The following KCNQ1 variants were observed in gnomAD, a reference collection of about 807,000 sequenced individuals.
KCNQ1 encodes potassium voltage-gated channel subfamily Q member 1.
In KCNQ1, 49 loss-of-function variants were observed where a neutral mutation model predicts 72.4. The observed-to-expected ratio is 0.68, with a 90% CI of 0.54 to 0.86. The LOEUF (loss-of-function observed/expected upper bound fraction) is 0.86, where lower values mean the gene tolerates loss of function less well. KCNQ1 is among the 40% of genes least tolerant of loss of function. KCNQ1 has a pLI of 0.00. For synonymous variants in KCNQ1, 450 were observed against 412.6 expected (o/e 1.09, Z -1.10); for missense variants, 790 against 945.1 (o/e 0.84, Z 2.15).
chr11:2,507,952 G>C lies in KCNQ1; in HGVS notation c.387-19976G>C, dbSNP rs1847130619. ...GAGGTTTTGGAACTGGCCTTGACTT[G>C]GTGATGTGGGGTTATGAGTTTTATT... On this transcript the variant is annotated intron_variant, in intron 1 of 15. Coordinates refer to ENST00000155840, the MANE Select transcript of KCNQ1 (RefSeq NM_000218.3). The surrounding 1 kb of genome is among the most constrained non-coding windows in gnomAD (Gnocchi z 5.4). Among the ~76,000 whole-genome samples, 1 of 152,126 alleles carries C rather than the reference G, an allele frequency of 6.6e-6. No individual in the cohort carries two copies. Among genetic ancestry groups the C allele is most frequent in the Non-Finnish European group, 1.5e-5 (1 of 68,004 alleles).
intron 2 of KCNQ1, among the ~76,000 whole-genome samples, chr11:2,540,954 T>A (rs1847812905): frequency 6.6e-6 from 1 of 152,172 alleles, no homozygotes. Context: ...CCAGATGCCT[T>A]ATGGAGAAGA....
rs987348417 is a variant in KCNQ1 at position 2,627,903 on chromosome 11, C to T, written c.1394-34058C>T. On this transcript the variant is annotated intron_variant, in intron 10 of 15. Transcript: ENST00000155840. This position sits in a 1 kb window ranked among gnomAD's most constrained non-coding sequence, Gnocchi z 4.9. ...GTAGCTGGGACCACAGTCATGCACC[C>T]CCATGCCCAGCTAATTTTTAAAATT... 2.8e-5 allele frequency: 11 copies of T among 398,322 alleles called. No homozygotes were observed. The highest frequency in any genetic ancestry group is 2.3e-4 in the African/African-American group (11 of 48,518). The allele number at this position is 398,322 out of a possible 1,614,324, so 24.7% of individuals were successfully genotyped here.
In KCNQ1 at chr11:2,651,502, G is replaced by T. The variant is rs12422173; in HGVS notation, c.1394-10459G>T. The T allele has an allele frequency of 0.26, 102,349 of 398,548 alleles. 15,656 individuals carry two copies. Among genetic ancestry groups the T allele is most frequent in the Non-Finnish European group, 0.33 (74,886 of 226,086 alleles). The allele number at this position is 398,548 out of a possible 1,614,324, so 24.7% of individuals were successfully genotyped here. A position where few individuals can be genotyped will look rare whatever the true frequency, so the allele number is the denominator to read the frequency against. ...GGGCTTGCATTAAGAAGCTGTCAGT[G>T]TGAAGAACGTGAATGCTAAGGGCAT... On this transcript the variant is annotated intron_variant, in intron 10 of 15. Transcript: ENST00000155840. This position sits in a 1 kb window ranked among gnomAD's most constrained non-coding sequence, Gnocchi z 6.1.
chr11:2,613,946 C>G lies in KCNQ1; in HGVS notation c.1393+25092C>G. 2.5e-6 allele frequency: 1 copy of G among 398,558 alleles called. No individual in the cohort carries two copies. Among genetic ancestry groups the G allele is most frequent in the Non-Finnish European group, 4.4e-6 (1 of 226,046 alleles). 24.7% of individuals were successfully genotyped at this position (398,558 alleles called of 1,614,324 possible). On this transcript the variant is annotated intron_variant, in intron 10 of 15. Transcript: ENST00000155840. The surrounding 1 kb of genome is among the most constrained non-coding windows in gnomAD (Gnocchi z 4.8). The stretch of plus-strand genomic sequence containing the variant: ...GCCCTTTTGAACTTTGCTTTTCTCA[C>G]CTAACAACATCTCCTAGAAATCACT...
Position 2,593,656 on chromosome 11 carries a change from C to T in KCNQ1, c.1393+4802C>T, listed in dbSNP as rs1194887889. 2.0e-5 allele frequency among the ~76,000 whole-genome samples: 3 copies of T among 152,288 alleles called. No individual in the cohort carries two copies. The highest frequency in any genetic ancestry group is 3.9e-4 in the East Asian group (2 of 5,174). On this transcript the variant is annotated intron_variant, in intron 10 of 15. Coordinates refer to ENST00000155840, the MANE Select transcript of KCNQ1 (RefSeq NM_000218.3). This position sits in a 1 kb window ranked among gnomAD's most constrained non-coding sequence, Gnocchi z 6.9. ...GGTCTGGGGACTCATCGTTCACACT[C>T]GTGTGTGTGCTTTCTGGAGGCATGC...
At chr11:2,739,439 C>A (rs1194414617) in intron 11 of KCNQ1, among the ~76,000 whole-genome samples, 1 of 152,244 alleles carries the variant, frequency 6.6e-6, no homozygotes, top group Admixed American at 6.5e-5. Context: ...AGGTCCGCTA[C>A]ATATTCCCCC....
chr11:2,839,106 GC>G (rs1483179720), intron 15 of KCNQ1, among the ~76,000 whole-genome samples: 2 of 152,196 alleles, frequency 1.3e-5, no homozygotes, highest in African/African-American at 4.8e-5. Context: ...AGCTCCTGAG[GC>G]CGGGCTAGGG....
At chr11:2,517,827 C>T (rs977294895) in intron 1 of KCNQ1, among the ~76,000 whole-genome samples, 18 of 152,208 alleles carry the variant, frequency 1.2e-4, no homozygotes, top group African/African-American at 3.4e-4. Flanking sequence ...AGGCTCCCAG[C>T]GATCTGTCAA....
chr11:2,792,463 G>C (rs1847046299), intron 15 of KCNQ1, among the ~76,000 whole-genome samples: 2 of 152,204 alleles, frequency 1.3e-5, no homozygotes, highest in South Asian at 4.1e-4. Flanking sequence ...TAGGAGGGAC[G>C]GGGCCGTGAC....
intron 10 of KCNQ1, among the ~76,000 whole-genome samples, chr11:2,597,991 A>C (rs1219691681): frequency 6.6e-6 from 1 of 152,042 alleles, no homozygotes; most frequent in Admixed American, 6.6e-5. Context: ...CACATGAGAA[A>C]TTTATGTTTT....
At chr11:2,812,251 G>C (rs1315041869) in intron 15 of KCNQ1, among the ~76,000 whole-genome samples, 1 of 152,192 alleles carries the variant, frequency 6.6e-6, no homozygotes, top group Non-Finnish European at 1.5e-5. Flanking sequence ...TGAAAAGCCT[G>C]AGTCCCTCCT....
chr11:2,682,830 A>T lies in KCNQ1; in HGVS notation c.1514+20749A>T, dbSNP rs887411086. ...TGCAGTGATCCTCCTGGGGCCTTGT[A>T]TAGAAGAGACCATCTCAGTTTTGTA... is the stretch of plus-strand genomic sequence containing the variant. On this transcript the variant is annotated intron_variant, in intron 11 of 15. Transcript: ENST00000155840. The surrounding 1 kb of genome is among the most constrained non-coding windows in gnomAD (Gnocchi z 5.8). The T allele has an allele frequency of 2.5e-5, 10 of 398,472 alleles. No homozygotes were observed. Among genetic ancestry groups the T allele is most frequent in the African/African-American group, 2.1e-4 (10 of 48,616 alleles). The allele number at this position is 398,472 out of a possible 1,614,324, so 24.7% of individuals were successfully genotyped here.
chr11:2,685,106 G>T (rs1476797202), intron 11 of KCNQ1: 11 of 398,518 alleles, frequency 2.8e-5, no homozygotes, highest in Non-Finnish European at 4.0e-5. Context: ...GGCCCTTTTG[G>T]CACGGGGGGT....
rs1424983227 is a variant in KCNQ1 at position 2,617,323 on chromosome 11, T to C, written c.1393+28469T>C. The C allele has an allele frequency of 2.5e-6, 1 of 398,306 alleles. No individual in the cohort carries two copies. The highest frequency in any genetic ancestry group is 4.4e-6 in the Non-Finnish European group (1 of 225,930). The allele number at this position is 398,306 out of a possible 1,614,324, so 24.7% of individuals were successfully genotyped here. ...AAGATTCTACATATAGGTGAGATTA[T>C]TTAAAACTTTTCATTTGTATATGGC... On this transcript the variant is annotated intron_variant, in intron 10 of 15. Coordinates refer to ENST00000155840, the MANE Select transcript of KCNQ1 (RefSeq NM_000218.3). This position sits in a 1 kb window ranked among gnomAD's most constrained non-coding sequence, Gnocchi z 4.6.
rs1192466257 is a variant in KCNQ1, at chr11:2,734,679, T to C, written c.1515-34165T>C. 6.6e-6 allele frequency among the ~76,000 whole-genome samples: 1 copy of C among 151,378 alleles called. No individual in the cohort carries two copies. Among genetic ancestry groups the C allele is most frequent in the Admixed American group, 6.6e-5 (1 of 15,206 alleles). Reference sequence around the variant, plus strand: ...TAGCTTCCTGAAGAGATGAGTCAGGTCCCAGGCACATTCAGTGCCAGCCAG... The same window carrying C: ...TAGCTTCCTGAAGAGATGAGTCAGGCCCCAGGCACATTCAGTGCCAGCCAG... On this transcript the variant is annotated intron_variant, in intron 11 of 15. Transcript: ENST00000155840. This position sits in a 1 kb window ranked among gnomAD's most constrained non-coding sequence, Gnocchi z 7.0.
intron 11 of KCNQ1, among the ~76,000 whole-genome samples, chr11:2,700,544 C>T (rs1031306173): frequency 1.3e-5 from 2 of 151,878 alleles, no homozygotes; most frequent in Non-Finnish European, 2.9e-5. Flanking sequence ...GCACCGGGTG[C>T]GGGAGGCGTT....
chr11:2,453,374 AG>A lies in KCNQ1; in HGVS notation c.386+7893del, dbSNP rs200252462. Among the ~76,000 whole-genome samples, 998 of 139,304 alleles carry A rather than the reference AG, an allele frequency of 7.2e-3. 3 individuals are homozygous for A. The highest frequency in any genetic ancestry group is 0.011 in the Non-Finnish European group (715 of 63,648). The allele number at this position is 139,304 out of a possible 152,430, so 91.4% of individuals were successfully genotyped here. On this transcript the variant is annotated intron_variant, in intron 1 of 15. Transcript: ENST00000155840. ...GGCAATAAGAGTGAAATTCCATCTC[AG>A]GGAAAAAAAAAAATCTTAATGGGAA...
In KCNQ1 at chr11:2,832,115, T is replaced by C. The variant is rs566150595; in HGVS notation, c.1795-15652T>C. On this transcript the variant is annotated intron_variant, in intron 15 of 15. Coordinates refer to ENST00000155840, the MANE Select transcript of KCNQ1 (RefSeq NM_000218.3). Reference sequence around the variant, plus strand: ...TACCCCCAGCCTTCCTGACAGGTGATAGCTTCATTGTCCCCAGGACACACA... The same window carrying C: ...TACCCCCAGCCTTCCTGACAGGTGACAGCTTCATTGTCCCCAGGACACACA... Among the ~76,000 whole-genome samples the C allele has an allele frequency of 5.3e-5, 8 of 152,202 alleles. No homozygotes were observed. The South Asian group carries it at 1.7e-3, about 32-fold the overall frequency.
chr11:2,726,478 C>T (rs1014100921), intron 11 of KCNQ1, among the ~76,000 whole-genome samples: 1 of 152,206 alleles, frequency 6.6e-6, no homozygotes, highest in Middle Eastern at 3.4e-3. Context: ...AAACTGAGGC[C>T]CCAGGCGGAG....
Sources: allele counts gnomAD v4.1 joint callset (sites outside exome capture counted in the v4.1 genomes callset), GRCh38; gene constraint gnomAD v4.1.1; non-coding constraint Gnocchi (gnomAD v3.1); transcripts MANE v1.5; gene names NCBI Gene and HGNC (gene_info 2026-07-23, HGNC 2026-07-21).